GRIN2A: variants seen among roughly 807,000 people sequenced by gnomAD.
GRIN2A encodes the protein glutamate ionotropic receptor NMDA type subunit 2A, also known as glutamate receptor ionotropic, NMDA 2A.
A neutral mutation model predicts 113.4 loss-of-function variants in GRIN2A; 22 were observed. The observed-to-expected ratio is 0.19, with a 90% CI of 0.14 to 0.28. The LOEUF (loss-of-function observed/expected upper bound fraction) is 0.28. Ranked by LOEUF, GRIN2A falls within the 10% of genes least tolerant of loss-of-function variation. The pLI, the probability that GRIN2A is intolerant of heterozygous loss-of-function variation, is 1.00. For missense variants in GRIN2A, 1,502 were observed against 1,887.0 expected, an observed-to-expected ratio of 0.80 and a Z score of 3.78; for synonymous variants, 827 against 738.4, an observed-to-expected ratio of 1.12 and a Z score of -1.94.
At chr16:10,179,974 C>T (rs1365656660) in intron 2 of GRIN2A, 24 bp downstream of exon 2, 2 of 1,584,772 alleles carry the variant, frequency 1.3e-6, no homozygotes, top group Admixed American at 1.7e-5. Flanking sequence ...CAGGTCCTGG[C>T]AGGGCATCAG....
At chr16:10,111,999 A>G (rs1415392781) in intron 2 of GRIN2A, 6 of 674,714 alleles carry the variant, frequency 8.9e-6, no homozygotes, top group African/African-American at 1.8e-5. Context: ...CTAGCAAGGG[A>G]AGCTGCCTGT....
chr16:10,044,234 A>T (rs1025063466), intron 2 of GRIN2A, among the ~76,000 whole-genome samples: 3 of 151,874 alleles, frequency 2.0e-5, no homozygotes, highest in African/African-American at 7.3e-5. Context: ...GGGTTTCACA[A>T]TGTTGGCCAG....
intron 11 of GRIN2A, among the ~76,000 whole-genome samples, chr16:9,791,612 T>C (rs1902610038): frequency 6.6e-6 from 1 of 152,156 alleles, no homozygotes; most frequent in South Asian, 2.1e-4. Flanking sequence ...GATATTAAGC[T>C]GGGAAGTTGA....
chr16:10,162,822 C>T (rs544100791), intron 2 of GRIN2A, among the ~76,000 whole-genome samples: 4 of 152,144 alleles, frequency 2.6e-5, no homozygotes, highest in Non-Finnish European at 5.9e-5. Context: ...CGGATGAAAC[C>T]AGAGACGTGC....
intron 2 of GRIN2A, among the ~76,000 whole-genome samples, chr16:10,165,100 T>C (rs1465952754): frequency 1.3e-5 from 2 of 152,194 alleles, no homozygotes; most frequent in Non-Finnish European, 2.9e-5. Context: ...TGTAGACATT[T>C]CATTACAAAG....
chr16:9,900,745 T>C (rs535065595), intron 3 of GRIN2A, among the ~76,000 whole-genome samples: 1 of 152,312 alleles, frequency 6.6e-6, no homozygotes, highest in African/African-American at 2.4e-5. Flanking sequence ...GTAGTATTTA[T>C]AACACTGTTA....
At position 10,087,320 on chromosome 16, in the gene GRIN2A, G is replaced by A. The variant is rs542639130; in HGVS notation, c.414+92678C>T. 2.6e-5 allele frequency among the ~76,000 whole-genome samples: 4 copies of A among 152,338 alleles called. No homozygotes were observed. The South Asian group carries it at 8.3e-4, about 32-fold the overall frequency. On this transcript the variant is annotated intron_variant, in intron 2 of 12. Transcript: ENST00000330684. The stretch of plus-strand genomic sequence containing the variant: ...CCTCTCTACAGGACTCCTCCCTACT[G>A]GACAATTGGAATCCTCGCCAATGTT...
intron 2 of GRIN2A, among the ~76,000 whole-genome samples, chr16:10,176,931 C>A (rs1411110039): frequency 6.6e-6 from 1 of 152,124 alleles, no homozygotes; most frequent in Non-Finnish European, 1.5e-5. Context: ...ACTATTCTTA[C>A]CAGCAGGGGC....
rs961133818 is a variant in GRIN2A at position 10,150,971 on chromosome 16, T to G, written c.414+29027A>C. Among the ~76,000 whole-genome samples the G allele has an allele frequency of 2.0e-5, 3 of 152,208 alleles. No homozygotes were observed. In the South Asian group the frequency reaches 6.2e-4, roughly 32 times the overall value. On this transcript the variant is annotated intron_variant, in intron 2 of 12. Coordinates refer to ENST00000330684, the MANE Select transcript of GRIN2A (RefSeq NM_001134407.3). ...ATACTAATATATCTGTTGAATATCA[T>G]GCATGTTGAATGACCCTACCCAGAA...
At chr16:9,874,813 C>T (rs557510716) in intron 4 of GRIN2A, among the ~76,000 whole-genome samples, 9 of 152,004 alleles carry the variant, frequency 5.9e-5, no homozygotes, top group South Asian at 2.1e-4. Flanking sequence ...AGGCTGGGCA[C>T]GGTAGCTCAT....
intron 2 of GRIN2A, among the ~76,000 whole-genome samples, chr16:10,002,531 C>T (rs1054426258): frequency 6.6e-6 from 1 of 152,118 alleles, no homozygotes; most frequent in South Asian, 2.1e-4. Flanking sequence ...TCTATAGGTA[C>T]CTTCCTCACA....
At chr16:10,178,821 C>T (rs1394514684) in intron 2 of GRIN2A, among the ~76,000 whole-genome samples, 3 of 152,206 alleles carry the variant, frequency 2.0e-5, no homozygotes, top group Non-Finnish European at 4.4e-5. Context: ...GAAAGCGCTA[C>T]AGTGAATGTC....
chr16:9,921,015 G>A (rs2044348971), intron 3 of GRIN2A, among the ~76,000 whole-genome samples: 1 of 152,106 alleles, frequency 6.6e-6, no homozygotes, highest in Admixed American at 6.5e-5. Flanking sequence ...GGTGCACGAT[G>A]TCTCAAGGGA....
rs557992936 is a variant in GRIN2A, at chr16:10,134,170, C to A, written c.414+45828G>T. Among the ~76,000 whole-genome samples, 119 of 139,256 alleles carry A rather than the reference C, an allele frequency of 8.5e-4. 2 individuals carry two copies. The highest frequency in any genetic ancestry group is 3.0e-3 in the African/African-American group (112 of 37,464). The allele number at this position is 139,256 out of a possible 152,430, so 91.4% of individuals were successfully genotyped here. On this transcript the variant is annotated intron_variant, in intron 2 of 12. Coordinates refer to ENST00000330684, the MANE Select transcript of GRIN2A (RefSeq NM_001134407.3). Reference sequence around the variant, plus strand: ...ATCACATCACCACACTCCAGTCTGGCCTTCAGGGTGAGACACTGTTTCCAG... The same window carrying A: ...ATCACATCACCACACTCCAGTCTGGACTTCAGGGTGAGACACTGTTTCCAG...
chr16:10,004,641 C>T (rs2046375417), intron 2 of GRIN2A, among the ~76,000 whole-genome samples: 1 of 152,084 alleles, frequency 6.6e-6, no homozygotes, highest in Admixed American at 6.6e-5. Flanking sequence ...GTTCATGGCC[C>T]CTTCCTCCAT....
At chr16:9,859,915 G>A (rs1301086697) in intron 4 of GRIN2A, among the ~76,000 whole-genome samples, 1 of 151,680 alleles carries the variant, frequency 6.6e-6, no homozygotes, top group African/African-American at 2.4e-5. Context: ...GAGCCCACAT[G>A]CCTTCAGTGC....
intron 4 of GRIN2A, among the ~76,000 whole-genome samples, chr16:9,871,817 C>A (rs768064341): frequency 6.6e-6 from 1 of 152,150 alleles, no homozygotes; most frequent in Non-Finnish European, 1.5e-5. Context: ...GAAAACTAAG[C>A]TCCATTCGCT....
At chr16:9,983,882 C>A (rs753318643) in intron 2 of GRIN2A, among the ~76,000 whole-genome samples, 1 of 152,224 alleles carries the variant, frequency 6.6e-6, no homozygotes, top group Non-Finnish European at 1.5e-5. Context: ...TAAAGAATAT[C>A]TCTTCAACAT....
Position 9,855,404 on chromosome 16 carries a change from A to G in GRIN2A, c.1123-5443T>C, listed in dbSNP as rs2267794. ...GTGGAACTATTATCATTAATTCAAC[A>G]TTTGTTAAACTTATCTTCAGGAAAA... On this transcript the variant is annotated intron_variant, in intron 4 of 12. Coordinates refer to ENST00000330684, the MANE Select transcript of GRIN2A (RefSeq NM_001134407.3). Among the ~76,000 whole-genome samples, 408 of 152,374 alleles carry G rather than the reference A, an allele frequency of 2.7e-3. 8 individuals are homozygous for G. The East Asian group carries it at 0.029, about 11-fold the overall frequency.
Sources: gnomAD v4.1 joint callset for allele counts (sites outside exome capture counted in the v4.1 genomes callset) on GRCh38, gnomAD v4.1.1 for gene constraint, MANE v1.5 for transcripts, NCBI Gene and HGNC (gene_info 2026-07-23, HGNC 2026-07-21) for gene names.